SPAG17: variants seen among roughly 807,000 people sequenced by gnomAD.
SPAG17 encodes the protein sperm-associated antigen 17.
A neutral mutation model predicts 273.6 loss-of-function variants in SPAG17; 169 were observed. The ratio of observed to expected loss-of-function variants is 0.62; its 90% CI spans 0.55 to 0.70. The LOEUF is 0.70. SPAG17 is among the 30% of genes least tolerant of loss of function. The pLI is 0.00. For synonymous variants in SPAG17, 825 were observed against 873.2 expected (o/e 0.94, Z 0.97); for missense variants, 2,557 against 2,627.8 (o/e 0.97, Z 0.59).
chr1:117,973,319 A>C, intron 44 of SPAG17, 106 bp downstream of exon 44: 1 of 1,415,920 alleles, frequency 7.1e-7, no homozygotes, highest in Non-Finnish European at 9.6e-7. Context: ...AATGAATCAG[A>C]ATTACATAAA....
At chr1:118,139,813 G>T (rs61838261) in intron 3 of SPAG17, among the ~76,000 whole-genome samples, 6,184 of 152,176 alleles carry the variant, frequency 0.041, 220 homozygotes, top group Non-Finnish European at 0.06. Flanking sequence ...ATGGAAAGAT[G>T]ATGGTTGCTA....
chr1:118,148,215 G>A (rs1185705787), intron 3 of SPAG17, among the ~76,000 whole-genome samples: 1 of 152,200 alleles, frequency 6.6e-6, no homozygotes, highest in African/African-American at 2.4e-5. Context: ...AAGTGTCCTA[G>A]TGTGTCTGGA....
chr1:118,021,918 C>T (rs919391351), intron 28 of SPAG17, among the ~76,000 whole-genome samples: 2 of 152,072 alleles, frequency 1.3e-5, no homozygotes, highest in African/African-American at 2.4e-5. Context: ...CTTCTCTAAC[C>T]AGAAACCTTC....
chr1:118,044,680 T>C (rs1275570710), intron 20 of SPAG17, among the ~76,000 whole-genome samples: 1 of 151,550 alleles, frequency 6.6e-6, no homozygotes, highest in East Asian at 1.9e-4. Flanking sequence ...TGGTGGGAGG[T>C]GATTGGATCA....
At position 118,101,819 on chromosome 1, in the gene SPAG17, C is replaced by T. The variant is rs1048719712; in HGVS notation, c.555G>A (p.Gln185=). The part of the protein sequence containing the change: ...AKPAKGKGKD[Q]PEANAPVKKT... ...TTTTCACTGGTGCATTTGCCTCAGG[C>T]TGATCCTTTCCCTTTCCTTTGGCAG... The change falls in exon 5 of 49, where the codon CAG becomes CAA. Residue 185 remains glutamine (Q), a synonymous_variant. Transcript: ENST00000336338. 1 of 1,614,094 alleles carries T rather than the reference C, an allele frequency of 6.2e-7. No individual in the cohort carries two copies. The highest frequency in any genetic ancestry group is 1.3e-5 in the African/African-American group (1 of 75,070).
At chr1:117,961,368 T>C (rs1415806800) in intron 48 of SPAG17, 1 of 152,170 alleles carries the variant, frequency 6.6e-6, no homozygotes, top group Non-Finnish European at 1.5e-5. Flanking sequence ...CTACTGTATA[T>C]CTTCATGGTA....
chr1:118,055,862 C>A lies in SPAG17; in HGVS notation c.2593G>T (p.Glu865Ter), dbSNP rs1333058688. The stretch of plus-strand genomic sequence containing the variant: ...ATTTTAGATTCCTGATATATAGCTT[C>A]TTCTTTTGTAATCCAATCTTGAATA... The part of the protein sequence containing the change: ...KSIQDWITKE[E>*]AIYQESKMNE... The change falls in exon 19 of 49, where the codon GAA becomes TAA. Residue 865 changes from glutamate (E) to a stop codon, truncating the protein, a stop_gained. Coordinates refer to ENST00000336338, the MANE Select transcript of SPAG17 (RefSeq NM_206996.4). LOFTEE classifies it high-confidence loss of function. 1 of 1,612,082 alleles carries A rather than the reference C, an allele frequency of 6.2e-7. No homozygotes were observed. The highest frequency in any genetic ancestry group is 8.5e-7 in the Non-Finnish European group (1 of 1,179,432).
At chr1:118,066,000 TG>T (rs1415910902) in intron 18 of SPAG17, among the ~76,000 whole-genome samples, 1 of 152,126 alleles carries the variant, frequency 6.6e-6, no homozygotes, top group South Asian at 2.1e-4. Flanking sequence ...ACAGCTTAAC[TG>T]TTCAAGGTGT....
intron 13 of SPAG17, 93 bp from the exon 14 acceptor site, chr1:118,081,735 G>T: frequency 9.6e-7 from 1 of 1,045,906 alleles, no homozygotes; most frequent in Non-Finnish European, 1.4e-6. Flanking sequence ...CTGTCTACCA[G>T]AAAGACAAGA....
intron 3 of SPAG17, among the ~76,000 whole-genome samples, chr1:118,122,928 T>A (rs111431180): frequency 0.02 from 2,980 of 152,312 alleles, 50 homozygotes; most frequent in Non-Finnish European, 0.031. Flanking sequence ...GACCTGAATT[T>A]ATTATCAACT....
chr1:117,992,441 G>A (rs772926022), intron 36 of SPAG17, 25 bp downstream of exon 36: 45 of 1,547,988 alleles, frequency 2.9e-5, no homozygotes, highest in Non-Finnish European at 3.8e-5. Flanking sequence ...GATTCTTTTG[G>A]GTCAGGTCAC....
chr1:118,030,640 G>A (rs1157852717), intron 25 of SPAG17, among the ~76,000 whole-genome samples: 7 of 151,964 alleles, frequency 4.6e-5, no homozygotes, highest in African/African-American at 9.7e-5. Context: ...CCCTCCCTGC[G>A]TCCATGTGTT....
chr1:118,103,269 C>T (rs1570698814), intron 4 of SPAG17, among the ~76,000 whole-genome samples: 1 of 152,266 alleles, frequency 6.6e-6, no homozygotes, highest in East Asian at 1.9e-4. Flanking sequence ...TCAAGCTTGC[C>T]AGGCTTTACA....
At chr1:118,138,736 T>C (rs1658498426) in intron 3 of SPAG17, among the ~76,000 whole-genome samples, 1 of 152,162 alleles carries the variant, frequency 6.6e-6, no homozygotes. Flanking sequence ...GGCTCATTAT[T>C]TACTTCTTAT....
intron 1 of SPAG17, among the ~76,000 whole-genome samples, chr1:118,181,482 C>T (rs577850902): frequency 6.6e-6 from 1 of 151,858 alleles, no homozygotes; most frequent in South Asian, 2.1e-4. Flanking sequence ...TAATAGTAAC[C>T]AAGAGAGAGC....
At position 118,156,617 on chromosome 1, in the gene SPAG17, T is replaced by C. The variant is rs546043719; in HGVS notation, c.88-5248A>G. On this transcript the variant is annotated intron_variant, in intron 1 of 48. Coordinates refer to ENST00000336338, the MANE Select transcript of SPAG17 (RefSeq NM_206996.4). ...CAAGCAGATGTCAGGGGAAGGAGGA[T>C]GCTCCTCCAGATAGGAGAAAAAAGC... Among the ~76,000 whole-genome samples, 459 of 152,244 alleles carry C rather than the reference T, an allele frequency of 3.0e-3. 3 individuals carry two copies. The highest frequency in any genetic ancestry group is 0.011 in the African/African-American group (438 of 41,538).
At position 118,055,799 on chromosome 1, in the gene SPAG17, A is replaced by T; in HGVS notation, c.2656T>A (p.Leu886Met). ...AGTTTGGCATTAGCAGAAGATTTCA[A>T]TTCCAGCTCAGCTCTGGTCCTGATG... ...KIIRTRAELE[L>M]KSSANAKLTS... Residue 886 changes from leucine to methionine, a missense_variant, in exon 19 of 49, where the codon TTG (leucine) becomes ATG (methionine). Transcript: ENST00000336338. The T allele has an allele frequency of 6.2e-7, 1 of 1,613,202 alleles. No homozygotes were observed.
intron 15 of SPAG17, among the ~76,000 whole-genome samples, chr1:118,076,941 T>A (rs1445458567): frequency 1.3e-5 from 2 of 152,102 alleles, no homozygotes; most frequent in East Asian, 1.9e-4. Flanking sequence ...AGGGCACATC[T>A]AAACCTCGCG....
At chr1:117,955,280 G>T in intron 48 of SPAG17, 1 of 1,571,470 alleles carries the variant, frequency 6.4e-7, no homozygotes, top group Non-Finnish European at 8.7e-7. Context: ...AACCAACCAA[G>T]AGTATCACTA....
Sources: gnomAD v4.1 joint callset for allele counts (sites outside exome capture counted in the v4.1 genomes callset) on GRCh38, gnomAD v4.1.1 for gene constraint, MANE v1.5 for transcripts, NCBI Gene and HGNC (gene_info 2026-07-23, HGNC 2026-07-21) for gene names.